Variants in SVEP1 observed in about 807,000 individuals in gnomAD.
SVEP1 encodes sushi, von Willebrand factor type A, EGF and pentraxin domain containing 1.
Under a neutral mutation model 367.3 loss-of-function variants are expected in SVEP1, and 164 were observed. That is an observed-to-expected ratio of 0.45 (90% CI 0.39 to 0.51). The LOEUF (loss-of-function observed/expected upper bound fraction) is 0.51. Among genes scored for constraint, SVEP1 ranks in the 20% least tolerant of loss-of-function variants. The pLI is 0.00. For synonymous variants in SVEP1, 1,666 were observed against 1,611.6 expected, an observed-to-expected ratio of 1.03 and a Z score of -0.81; for missense variants, 4,117 against 4,425.3, an observed-to-expected ratio of 0.93 and a Z score of 1.98.
chr9:110,432,692 C>T (rs1336357871), intron 30 of SVEP1, 57 bp from the exon 31 acceptor site: 5 of 1,535,966 alleles, frequency 3.3e-6, no homozygotes, highest in Non-Finnish European at 4.4e-6. Flanking sequence ...TCCAAGAACA[C>T]TTTATTTGTA....
intron 1 of SVEP1, among the ~76,000 whole-genome samples, chr9:110,559,786 A>G (rs1431274359): frequency 6.6e-6 from 1 of 152,196 alleles, no homozygotes; most frequent in Non-Finnish European, 1.5e-5. Flanking sequence ...TTGCAATAAT[A>G]AAAAATTAGA....
intron 1 of SVEP1, among the ~76,000 whole-genome samples, chr9:110,567,523 C>T (rs1039704419): frequency 6.6e-6 from 1 of 152,110 alleles, no homozygotes; most frequent in African/African-American, 2.4e-5. Flanking sequence ...GGCATTGGTC[C>T]TTTCTGTGTT....
At chr9:110,440,292 C>A in intron 27 of SVEP1, among the ~76,000 whole-genome samples, 1 of 152,282 alleles carries the variant, frequency 6.6e-6, no homozygotes, top group Middle Eastern at 3.4e-3. Flanking sequence ...CTTTGGGGAT[C>A]AGCCAACCAT....
intron 1 of SVEP1, among the ~76,000 whole-genome samples, chr9:110,553,357 G>T (rs1192614327): frequency 1.3e-5 from 2 of 152,140 alleles, no homozygotes; most frequent in African/African-American, 4.8e-5. Flanking sequence ...GAGAACTGGG[G>T]TCACAAAATG....
chr9:110,464,492 T>A (rs1030788329), intron 18 of SVEP1, among the ~76,000 whole-genome samples: 1 of 152,200 alleles, frequency 6.6e-6, no homozygotes, highest in African/African-American at 2.4e-5. Flanking sequence ...CAAGATGCAA[T>A]GCTGGAAACG....
chr9:110,519,191 GATTA>G (rs1203821307), intron 3 of SVEP1, among the ~76,000 whole-genome samples: 1 of 152,106 alleles, frequency 6.6e-6, no homozygotes, highest in African/African-American at 2.4e-5. Flanking sequence ...TTGTTGTTAG[GATTA>G]ATTGAGGTCA....
At chr9:110,544,550 T>C (rs1210932766) in intron 3 of SVEP1, among the ~76,000 whole-genome samples, 1 of 152,140 alleles carries the variant, frequency 6.6e-6, no homozygotes, top group African/African-American at 2.4e-5. Context: ...TAATAAGATA[T>C]AAAAATATAA....
chr9:110,530,469 G>A (rs1830003562), intron 3 of SVEP1, among the ~76,000 whole-genome samples: 1 of 152,062 alleles, frequency 6.6e-6, no homozygotes, highest in Non-Finnish European at 1.5e-5. Flanking sequence ...TATAATAACT[G>A]GAAAGGGCAA....
At position 110,472,242 on chromosome 9, in the gene SVEP1, C is replaced by G; in HGVS notation, c.2681G>C (p.Ser894Thr). 1.2e-6 allele frequency: 2 copies of G among 1,613,660 alleles called. No homozygotes were observed. The highest frequency in any genetic ancestry group is 8.5e-7 in the Non-Finnish European group (1 of 1,179,810). The stretch of plus-strand genomic sequence containing the variant: ...CCGTGAGGACTTGGCATTGCCGATG[C>G]TTGTGGCTGTTTCTTGCACAGTGTC... ...FLDTVQETAT[S>T]IGNAKSSRIK... The change falls in exon 15 of 48, where the codon AGC becomes ACC. Residue 894 changes from serine to threonine, a missense_variant. By Grantham distance (58) the Ser-to-Thr change is moderately conservative. This residue lies in a region of SVEP1 where 2,174 missense variants were observed against 2,494.3 expected (regional missense o/e 0.87). Transcript: ENST00000374469.
intron 7 of SVEP1, 116 bp downstream of exon 7, chr9:110,498,925 C>T (rs1829490432): frequency 1.2e-6 from 1 of 850,074 alleles, no homozygotes; most frequent in African/African-American, 1.7e-5. Context: ...GGGGTAGCAC[C>T]TAACCATATT....
chr9:110,557,962 A>G (rs1255344351), intron 1 of SVEP1, among the ~76,000 whole-genome samples: 1 of 152,212 alleles, frequency 6.6e-6, no homozygotes, highest in Non-Finnish European at 1.5e-5. Context: ...AGCACTTGAA[A>G]TGAGACTATT....
At chr9:110,425,990 G>A (rs572654965) in intron 36 of SVEP1, among the ~76,000 whole-genome samples, 23 of 152,232 alleles carry the variant, frequency 1.5e-4, no homozygotes, top group African/African-American at 5.5e-4. Flanking sequence ...TCAATATCTA[G>A]ATATTGTTTG....
chr9:110,571,806 GA>G (rs1830566570), intron 1 of SVEP1, among the ~76,000 whole-genome samples: 2 of 152,186 alleles, frequency 1.3e-5, no homozygotes, highest in South Asian at 4.1e-4. Context: ...GCCAGGCGGG[GA>G]CTCCAGTGGG....
chr9:110,385,575 T>G (rs7855526), intron 43 of SVEP1, among the ~76,000 whole-genome samples: 52,925 of 152,048 alleles, frequency 0.35, 9,618 homozygotes, highest in African/African-American at 0.45. Context: ...AAAACATTCA[T>G]AGTCTGTTAA....
At chr9:110,428,254 G>A (rs1292251221) in intron 35 of SVEP1, among the ~76,000 whole-genome samples, 2 of 152,056 alleles carry the variant, frequency 1.3e-5, no homozygotes, top group Non-Finnish European at 2.9e-5. Flanking sequence ...CCTATGCCAT[G>A]GCTTATCTGC....
chr9:110,423,169 A>G (rs1194841543), intron 36 of SVEP1, among the ~76,000 whole-genome samples: 2 of 35,612 alleles, frequency 5.6e-5, no homozygotes, highest in Admixed American at 2.7e-4. Flanking sequence ...AAAATAAAGT[A>G]AAAAAAAAAA....
intron 9 of SVEP1, among the ~76,000 whole-genome samples, chr9:110,487,792 G>A (rs1297120233): frequency 1.3e-5 from 2 of 152,116 alleles, no homozygotes; most frequent in African/African-American, 4.8e-5. Context: ...TCACAATGAG[G>A]TAATACATTC....
In SVEP1 at chr9:110,570,983, T is replaced by C. The variant is rs934666275; in HGVS notation, c.531+8030A>G. Among the ~76,000 whole-genome samples, 104 of 85,596 alleles carry C rather than the reference T, an allele frequency of 1.2e-3. No homozygotes were observed. In the East Asian group the frequency reaches 0.027, roughly 22 times the overall value. The allele number at this position is 85,596 out of a possible 152,430, so 56.2% of individuals were successfully genotyped here. A position where few individuals can be genotyped will look rare whatever the true frequency, so the allele number is the denominator to read the frequency against. On this transcript the variant is annotated intron_variant, in intron 1 of 47. Transcript: ENST00000374469. ...TCCAGATGGCTCCTTTTTTTTTTTT[T>C]TTTTTTTTTTTTGAGACAGGTCTTG...
At chr9:110,434,677 A>AAAAAAAAAAAAAAAAAAAC (rs1828406222) in intron 29 of SVEP1, among the ~76,000 whole-genome samples, 171 bp from the exon 30 acceptor site, 1 of 149,882 alleles carries the variant, frequency 6.7e-6, no homozygotes, top group Non-Finnish European at 1.5e-5. Context: ...AAAAAAAAAA[A>AAAAAAAAAAAAAAAAAAAC]AAAAAAAAAG....
Sources: gnomAD v4.1 joint callset for allele counts (sites outside exome capture counted in the v4.1 genomes callset) on GRCh38, gnomAD v4.1.1 for gene constraint, gnomAD v4.1.1 regional missense constraint, MANE v1.5 for transcripts, NCBI Gene and HGNC (gene_info 2026-07-23, HGNC 2026-07-21) for gene names.